Variants in RAB37 observed in about 807,000 individuals in gnomAD.
The protein encoded by RAB37 is RAB37, member RAS oncogene family.
In RAB37, 29 loss-of-function variants were observed where a neutral mutation model predicts 33.1. The ratio of observed to expected loss-of-function variants is 0.88; its 90% CI spans 0.65 to 1.20. The LOEUF is 1.20. RAB37 is among the 50% of genes most tolerant of loss of function. The probability of loss-of-function intolerance (pLI) is 0.00; values close to 1 mark genes in which losing one functional copy is unlikely to be tolerated. For synonymous variants in RAB37, 128 were observed against 119.5 expected, an observed-to-expected ratio of 1.07 and a Z score of -0.47; for missense variants, 299 against 301.1, an observed-to-expected ratio of 0.99 and a Z score of 0.05.
Position 74,704,149 on chromosome 17 carries a change from G to A in RAB37, c.73-25107G>A, listed in dbSNP as rs114679434. 4.5e-3 allele frequency among the ~76,000 whole-genome samples: 681 copies of A among 152,326 alleles called. 6 individuals carry two copies. Among genetic ancestry groups the A allele is most frequent in the African/African-American group, 0.015 (642 of 41,564 alleles). On this transcript the variant is annotated intron_variant, in intron 1 of 7. Coordinates refer to the RAB37 transcript ENST00000340415. Reference sequence around the variant, plus strand: ...GAGGTCTCCAAAAAGCAATGGCAAGGACTGGGGTCTCTGGGTACCATGGGA... The same window carrying A: ...GAGGTCTCCAAAAAGCAATGGCAAGAACTGGGGTCTCTGGGTACCATGGGA...
At chr17:74,682,324 CTG>C (rs370737998) in intron 1 of RAB37, among the ~76,000 whole-genome samples, 2 of 151,930 alleles carry the variant, frequency 1.3e-5, no homozygotes, top group African/African-American at 2.4e-5. Context: ...GCCTCACTCT[CTG>C]TCTCTCTCTC....
intron 1 of RAB37, among the ~76,000 whole-genome samples, chr17:74,692,947 C>A (rs1318713599): frequency 6.6e-6 from 1 of 152,120 alleles, no homozygotes; most frequent in Non-Finnish European, 1.5e-5. Flanking sequence ...TAACTAGGCA[C>A]GGGGGATATG....
intron 1 of RAB37, among the ~76,000 whole-genome samples, chr17:74,680,609 G>A (rs2031934476): frequency 6.6e-6 from 1 of 152,088 alleles, no homozygotes; most frequent in African/African-American, 2.4e-5. Context: ...TCTACCCTTA[G>A]GTCCTCTCCC....
chr17:74,680,897 C>A (rs889847331), intron 1 of RAB37, among the ~76,000 whole-genome samples: 9 of 152,184 alleles, frequency 5.9e-5, no homozygotes, highest in Non-Finnish European at 1.2e-4. Flanking sequence ...GGGGCAAGAA[C>A]CATGGAAGAG....
intron 1 of RAB37, among the ~76,000 whole-genome samples, chr17:74,727,275 C>T (rs1228273267): frequency 1.3e-5 from 2 of 152,190 alleles, no homozygotes; most frequent in African/African-American, 4.8e-5. Context: ...CCCGGTCTTC[C>T]GAAGAGGAGA....
At chr17:74,721,013 C>T (rs555114821) in intron 1 of RAB37, among the ~76,000 whole-genome samples, 7 of 152,252 alleles carry the variant, frequency 4.6e-5, no homozygotes, top group East Asian at 1.9e-4. Context: ...CCGTATGCTC[C>T]GATGCTCAGT....
chr17:74,675,394 C>A (rs1006419483), intron 1 of RAB37, among the ~76,000 whole-genome samples: 2 of 151,292 alleles, frequency 1.3e-5, no homozygotes, highest in African/African-American at 4.9e-5. Context: ...AAGATCACAC[C>A]ACTGCACTTC....
intron 1 of RAB37, among the ~76,000 whole-genome samples, chr17:74,719,444 A>G (rs895492472): frequency 2.0e-5 from 3 of 152,148 alleles, no homozygotes; most frequent in African/African-American, 7.2e-5. Flanking sequence ...CACAGCAAGA[A>G]CTCATCTCAA....
chr17:74,700,061 G>A (rs1235865610), intron 1 of RAB37, among the ~76,000 whole-genome samples: 6 of 152,004 alleles, frequency 3.9e-5, no homozygotes, highest in Non-Finnish European at 8.8e-5. Flanking sequence ...AGAATTGCTT[G>A]AACCCAGGAG....
intron 1 of RAB37, among the ~76,000 whole-genome samples, chr17:74,726,843 C>A (rs983950186): frequency 4.6e-5 from 7 of 152,188 alleles, no homozygotes; most frequent in African/African-American, 1.7e-4. Context: ...TTTTACAAGT[C>A]CAGCTAAAGT....
intron 1 of RAB37, among the ~76,000 whole-genome samples, chr17:74,693,495 G>C (rs1450393161): frequency 6.6e-6 from 1 of 152,180 alleles, no homozygotes; most frequent in Non-Finnish European, 1.5e-5. Flanking sequence ...CTCCATGGCA[G>C]AGAATGAAAG....
Position 74,703,007 on chromosome 17 carries a change from G to A in RAB37, c.73-26249G>A, listed in dbSNP as rs2033197353. The A allele has an allele frequency of 1.0e-5, 16 of 1,582,142 alleles. 1 individual carries two copies. The South Asian group carries it at 1.5e-4, about 15-fold the overall frequency. The stretch of plus-strand genomic sequence containing the variant: ...CCATTGGAGGAGTTTGGGCCAAGTA[G>A]GCCACAGTGGAACCAGAGCTGGCTT... On this transcript the variant is annotated intron_variant, in intron 1 of 7. Coordinates refer to the RAB37 transcript ENST00000340415.
rs1014054008 is a variant in RAB37, at chr17:74,675,432, C to T, written c.72+3774C>T. On this transcript the variant is annotated intron_variant, in intron 1 of 7. Coordinates refer to the RAB37 transcript ENST00000340415. ...CCTGGTGACAGAGTGAGACTCCATC[C>T]GAAAAAAAAAAAAAAGTGGTTGTAT... 7.6e-5 allele frequency among the ~76,000 whole-genome samples: 11 copies of T among 144,948 alleles called. No individual in the cohort carries two copies. The South Asian group carries it at 8.7e-4, about 11-fold the overall frequency.
chr17:74,686,940 A>T (rs1598186019), intron 1 of RAB37, among the ~76,000 whole-genome samples: 1 of 152,192 alleles, frequency 6.6e-6, no homozygotes, highest in Non-Finnish European at 1.5e-5. Context: ...AGGGCCTGTG[A>T]CCTGTTGCTT....
At position 74,704,681 on chromosome 17, in the gene RAB37, C is replaced by T. The variant is rs545135472; in HGVS notation, c.73-24575C>T. 3.3e-5 allele frequency: 53 copies of T among 1,614,188 alleles called. No individual in the cohort carries two copies. Among genetic ancestry groups the T allele is most frequent in the South Asian group, 1.2e-4 (11 of 91,088 alleles). ...GGTTTTAACAAGGATCTTGCAGTCA[C>T]GCCAAATAGCTCCTCGACACCACCA... is the stretch of plus-strand genomic sequence containing the variant. On this transcript the variant is annotated intron_variant, in intron 1 of 7. Transcript: ENST00000340415.
Position 74,671,913 on chromosome 17 carries a change from A to AC in RAB37, c.72+260dup, listed in dbSNP as rs2031715560. Among the ~76,000 whole-genome samples, 1 of 150,352 alleles carries AC rather than the reference A, an allele frequency of 6.7e-6. No individual in the cohort carries two copies. The highest frequency in any genetic ancestry group is 2.5e-5 in the African/African-American group (1 of 40,728). ...CTTACATCATCTGTGTTCCTTTTTC[A>AC]CCCCCTCCTTCTCCTTGCCTATTTA... On this transcript the variant is annotated intron_variant, in intron 1 of 7. Transcript: ENST00000340415. The surrounding 1 kb of genome is among the most constrained non-coding windows in gnomAD (Gnocchi z 5.0).
chr17:74,737,633 G>A (rs1426895359), intron 1 of RAB37, among the ~76,000 whole-genome samples: 1 of 152,140 alleles, frequency 6.6e-6, no homozygotes, highest in Non-Finnish European at 1.5e-5. Flanking sequence ...TGGCAAATAT[G>A]AGCCCCCGGG....
At chr17:74,716,076 G>A (rs1249014392) in intron 1 of RAB37, among the ~76,000 whole-genome samples, 1 of 152,166 alleles carries the variant, frequency 6.6e-6, no homozygotes, top group African/African-American at 2.4e-5. Context: ...CTGAGTAGCT[G>A]CTCCTCTAAC....
rs1162393192 is a variant in RAB37, at chr17:74,676,913, G to A, written c.72+5255G>A. Among the ~76,000 whole-genome samples, 1 of 152,146 alleles carries A rather than the reference G, an allele frequency of 6.6e-6. No individual in the cohort carries two copies. The highest frequency in any genetic ancestry group is 6.5e-5 in the Admixed American group (1 of 15,276). On this transcript the variant is annotated intron_variant, in intron 1 of 7. Coordinates refer to the RAB37 transcript ENST00000340415. This position sits in a 1 kb window ranked among gnomAD's most constrained non-coding sequence, Gnocchi z 4.1. The stretch of plus-strand genomic sequence containing the variant: ...CACACCTGTAATCCCAGCACTTTGG[G>A]AGGCTGAGGCAGGTGGATCATGAGG...
Sources: gnomAD v4.1 joint callset for allele counts (sites outside exome capture counted in the v4.1 genomes callset) on GRCh38, gnomAD v4.1.1 for gene constraint, Gnocchi (gnomAD v3.1) non-coding constraint, MANE v1.5 for transcripts, NCBI Gene and HGNC (gene_info 2026-07-23, HGNC 2026-07-21) for gene names.